The following CEP112 variants were observed in gnomAD, a reference collection of about 807,000 sequenced individuals.
The protein encoded by CEP112 is centrosomal protein of 112 kDa.
A neutral mutation model predicts 153.0 loss-of-function variants in CEP112; 127 were observed. The observed-to-expected ratio is 0.83, with a 90% CI of 0.72 to 0.96. The LOEUF (loss-of-function observed/expected upper bound fraction) is 0.96. Ranked by LOEUF, CEP112 falls within the 40% of genes least tolerant of loss-of-function variation. CEP112 has a pLI of 0.00. For missense variants in CEP112, 1,089 were observed against 1,101.2 expected, an observed-to-expected ratio of 0.99 and a Z score of 0.16; for synonymous variants, 358 against 374.4, an observed-to-expected ratio of 0.96 and a Z score of 0.51.
At chr17:65,844,128 A>C (rs948775293) in intron 21 of CEP112, among the ~76,000 whole-genome samples, 2 of 152,192 alleles carry the variant, frequency 1.3e-5, no homozygotes, top group Non-Finnish European at 2.9e-5. Flanking sequence ...TCCATTGTAA[A>C]TGTTCAATCT....
At chr17:66,065,954 G>GT (rs1479649616) in intron 10 of CEP112, among the ~76,000 whole-genome samples, 2 of 152,188 alleles carry the variant, frequency 1.3e-5, no homozygotes, top group African/African-American at 4.8e-5. Flanking sequence ...AATGCATGGG[G>GT]TATCCATTCT....
intron 2 of CEP112, among the ~76,000 whole-genome samples, chr17:66,180,128 G>T (rs1223238540): frequency 3.9e-5 from 6 of 152,078 alleles, no homozygotes; most frequent in South Asian, 4.1e-4. Context: ...GTTCATCAGG[G>T]ATACTGGCCT....
At chr17:65,916,516 A>G (rs1193096632) in intron 19 of CEP112, among the ~76,000 whole-genome samples, 1 of 152,016 alleles carries the variant, frequency 6.6e-6, no homozygotes, top group Non-Finnish European at 1.5e-5. Flanking sequence ...GTTAGTCCAT[A>G]TCACTATCCA....
intron 20 of CEP112, among the ~76,000 whole-genome samples, chr17:65,885,746 C>T (rs908542251): frequency 6.6e-6 from 1 of 152,180 alleles, no homozygotes; most frequent in Non-Finnish European, 1.5e-5. Context: ...ACCAGCTTGG[C>T]CCAGACTAGC....
At chr17:66,159,540 T>C (rs1054467536) in intron 4 of CEP112, among the ~76,000 whole-genome samples, 10 of 152,252 alleles carry the variant, frequency 6.6e-5, no homozygotes, top group African/African-American at 1.9e-4. Context: ...GCAAGGCTGG[T>C]TCAACATATG....
intron 6 of CEP112, among the ~76,000 whole-genome samples, chr17:66,119,111 C>T (rs1424449086): frequency 1.3e-5 from 2 of 152,278 alleles, no homozygotes; most frequent in African/African-American, 2.4e-5. Flanking sequence ...CCAACCACCA[C>T]ACGTTCTCAT....
At chr17:65,743,898 A>G (rs1481347164) in intron 22 of CEP112, among the ~76,000 whole-genome samples, 1 of 151,778 alleles carries the variant, frequency 6.6e-6, no homozygotes, top group Non-Finnish European at 1.5e-5. Flanking sequence ...AGTAGCTGGG[A>G]TTACAGGTGC....
chr17:66,072,278 G>A (rs577986217), intron 8 of CEP112, among the ~76,000 whole-genome samples: 13 of 152,174 alleles, frequency 8.5e-5, no homozygotes, highest in Non-Finnish European at 1.9e-4. Context: ...TCAAATTGAG[G>A]AAATGTAATA....
intron 4 of CEP112, among the ~76,000 whole-genome samples, chr17:66,173,433 C>A (rs1393090841): frequency 2.0e-5 from 3 of 152,170 alleles, no homozygotes; most frequent in Non-Finnish European, 4.4e-5. Flanking sequence ...TCCAACCAAG[C>A]AAATCTACCC....
chr17:65,787,763 T>C (rs2054356972), intron 21 of CEP112, among the ~76,000 whole-genome samples: 1 of 152,224 alleles, frequency 6.6e-6, no homozygotes, highest in Non-Finnish European at 1.5e-5. Flanking sequence ...CTGGATTATA[T>C]ATTTAGACAA....
intron 10 of CEP112, among the ~76,000 whole-genome samples, chr17:66,063,664 A>T (rs1365247093): frequency 6.6e-6 from 1 of 152,136 alleles, no homozygotes; most frequent in Non-Finnish European, 1.5e-5. Context: ...AAATTTAAAT[A>T]AGTAAAGAGG....
chr17:65,778,519 G>A (rs1225155473), intron 21 of CEP112, among the ~76,000 whole-genome samples: 2 of 152,000 alleles, frequency 1.3e-5, no homozygotes, highest in East Asian at 3.9e-4. Context: ...TTCTGAATAG[G>A]TTATTAACAC....
intron 23 of CEP112, among the ~76,000 whole-genome samples, chr17:65,721,496 G>A (rs145450304): frequency 1.3e-5 from 2 of 152,256 alleles, no homozygotes; most frequent in Admixed American, 1.3e-4. Context: ...ATACCACTGT[G>A]CTGGTATCCT....
chr17:65,711,732 C>G (rs1250009197), intron 23 of CEP112, among the ~76,000 whole-genome samples: 1 of 152,130 alleles, frequency 6.6e-6, no homozygotes, highest in Non-Finnish European at 1.5e-5. Context: ...CCTCTATCTC[C>G]CCCTGCTATA....
At chr17:65,731,172 C>T (rs149715622) in intron 23 of CEP112, among the ~76,000 whole-genome samples, 7 of 152,182 alleles carry the variant, frequency 4.6e-5, no homozygotes, top group Non-Finnish European at 7.4e-5. Context: ...GGCATTGCCC[C>T]TGGAGTATAC....
At chr17:65,775,658 A>G (rs1337409538) in intron 21 of CEP112, among the ~76,000 whole-genome samples, 1 of 151,874 alleles carries the variant, frequency 6.6e-6, no homozygotes, top group Non-Finnish European at 1.5e-5. Context: ...ATGTGCCACC[A>G]CACCCGGCTA....
chr17:65,750,825 C>A, intron 21 of CEP112, 101 bp from the exon 22 acceptor site: 4 of 1,035,844 alleles, frequency 3.9e-6, no homozygotes, highest in South Asian at 2.6e-5. Flanking sequence ...GCCAGCTGCA[C>A]CGCCCTTCTG....
At chr17:65,908,174 G>C (rs1158438310) in intron 19 of CEP112, among the ~76,000 whole-genome samples, 2 of 152,120 alleles carry the variant, frequency 1.3e-5, no homozygotes, top group East Asian at 1.9e-4. Context: ...CAAAAGCATT[G>C]AGCTATGAGA....
At chr17:65,702,262 T>G (rs1326485109) in intron 23 of CEP112, among the ~76,000 whole-genome samples, 1 of 152,222 alleles carries the variant, frequency 6.6e-6, no homozygotes, top group Admixed American at 6.5e-5. Context: ...TCCTCCTGCA[T>G]CCTGGCATGT....
Sources: allele counts gnomAD v4.1 joint callset (sites outside exome capture counted in the v4.1 genomes callset), GRCh38; gene constraint gnomAD v4.1.1; transcripts MANE v1.5; gene names NCBI Gene and HGNC (gene_info 2026-07-23, HGNC 2026-07-21).